Variants in ZSCAN5A observed in about 807,000 individuals in gnomAD.
ZSCAN5A encodes the protein zinc finger and SCAN domain-containing protein 5A.
Under a neutral mutation model 23.7 loss-of-function variants are expected in ZSCAN5A, and 12 were observed. The ratio of observed to expected loss-of-function variants is 0.51; its 90% CI spans 0.32 to 0.82. ZSCAN5A has a LOEUF of 0.82. ZSCAN5A is among the 40% of genes least tolerant of loss of function. The pLI is 0.03. For synonymous variants in ZSCAN5A, 257 were observed against 239.9 expected (o/e 1.07, Z -0.66); for missense variants, 597 against 617.9 (o/e 0.97, Z 0.36).
At chr19:56,325,057 G>A (rs1401884995) in intron 2 of ZSCAN5A, among the ~76,000 whole-genome samples, 2 of 152,218 alleles carry the variant, frequency 1.3e-5, no homozygotes, top group Non-Finnish European at 2.9e-5. Flanking sequence ...ATGGACGAGT[G>A]TCTGACTCTG....
intron 2 of ZSCAN5A, chr19:56,282,427 T>C (rs931431142): frequency 7.4e-6 from 7 of 947,858 alleles, no homozygotes; most frequent in East Asian, 1.2e-4. Context: ...TGAACCTTCA[T>C]TGGCAATATG....
At chr19:56,326,877 G>C (rs986816020) in intron 2 of ZSCAN5A, among the ~76,000 whole-genome samples, 1 of 152,032 alleles carries the variant, frequency 6.6e-6, no homozygotes, top group Non-Finnish European at 1.5e-5. Context: ...AACCAGCCTT[G>C]AGCAGAACAT....
At chr19:56,327,527 C>T (rs1390279168) in intron 2 of ZSCAN5A, among the ~76,000 whole-genome samples, 1 of 150,526 alleles carries the variant, frequency 6.6e-6, no homozygotes. Flanking sequence ...ATAAGTCATA[C>T]ACATATTGAA....
At chr19:56,344,909 CA>C (rs1019131536) in intron 2 of ZSCAN5A, among the ~76,000 whole-genome samples, 353 of 19,032 alleles carry the variant, frequency 0.019, no homozygotes, top group African/African-American at 0.047. Context: ...GACTCCGTCT[CA>C]AAAAAAAAAA....
intron 2 of ZSCAN5A, chr19:56,274,467 GAAAAA>G (rs71707996): frequency 7.0e-6 from 1 of 143,526 alleles, no homozygotes; most frequent in Non-Finnish European, 1.5e-5. Context: ...AAGAAAAAAA[GAAAAA>G]AAAAAAAACT....
chr19:56,288,074 CT>C (rs2147127102), intron 2 of ZSCAN5A, among the ~76,000 whole-genome samples: 1 of 152,270 alleles, frequency 6.6e-6, no homozygotes, highest in Admixed American at 6.5e-5. Context: ...GGTCACGAGG[CT>C]GGTGTGGCAG....
At chr19:56,273,320 G>A (rs1465550869) in intron 2 of ZSCAN5A, among the ~76,000 whole-genome samples, 1 of 152,224 alleles carries the variant, frequency 6.6e-6, no homozygotes, top group African/African-American at 2.4e-5. Flanking sequence ...TGAGACTCCA[G>A]ACTTTTGCGA....
rs2041705906 is a variant in ZSCAN5A at position 56,357,347 on chromosome 19, G to C, written c.-358+5888C>G. Among the ~76,000 whole-genome samples, 2 of 148,618 alleles carry C rather than the reference G, an allele frequency of 1.3e-5. 1 individual carries two copies. Among genetic ancestry groups the C allele is most frequent in the African/African-American group, 5.1e-5 (2 of 39,384 alleles). ...TAAGTGTACAGAGACCCCTGACACA[G>C]ACTTTATCATTACATAATACTTACA... On this transcript the variant is annotated intron_variant, in intron 2 of 6. Transcript: ENST00000587340.
In ZSCAN5A at chr19:56,352,021, C is replaced by G. The variant is rs1359029951; in HGVS notation, c.-358+11214G>C. On this transcript the variant is annotated intron_variant, in intron 2 of 6. Coordinates refer to the ZSCAN5A transcript ENST00000587340. The surrounding 1 kb of genome is among the most constrained non-coding windows in gnomAD (Gnocchi z 4.2). ...GGGACCCGAAACTCAGGAAGGGATG[C>G]GGTGAAGATACTGATGGAGTGCCTT... Among the ~76,000 whole-genome samples, 1 of 152,128 alleles carries G rather than the reference C, an allele frequency of 6.6e-6. No homozygotes were observed. Among genetic ancestry groups the G allele is most frequent in the Non-Finnish European group, 1.5e-5 (1 of 68,036 alleles).
chr19:56,330,459 A>C (rs1317390844), intron 2 of ZSCAN5A, among the ~76,000 whole-genome samples: 1 of 152,172 alleles, frequency 6.6e-6, no homozygotes, highest in Non-Finnish European at 1.5e-5. Flanking sequence ...ACAGTGTATA[A>C]GCATTCCCTT....
chr19:56,233,450 G>A lies in ZSCAN5A; in HGVS notation c.-127-8277C>T, dbSNP rs151230715. 8.0e-3 allele frequency among the ~76,000 whole-genome samples: 1,223 copies of A among 152,232 alleles called. 10 individuals carry two copies. The highest frequency in any genetic ancestry group is 0.026 in the African/African-American group (1,092 of 41,530). ...CTGGAGATGATTGGATATTACAGCTGTGCGCCATAAGGGCAAATGGTTCCA... is the reference window on the plus strand; with the variant it reads ...CTGGAGATGATTGGATATTACAGCTATGCGCCATAAGGGCAAATGGTTCCA... On this transcript the variant is annotated intron_variant, in intron 2 of 5. Transcript: ENST00000683990.
chr19:56,280,069 C>A (rs1286462216), intron 2 of ZSCAN5A, among the ~76,000 whole-genome samples: 2 of 152,122 alleles, frequency 1.3e-5, no homozygotes, highest in African/African-American at 4.8e-5. Context: ...CCGAAAGAAT[C>A]TGATATTAAT....
chr19:56,268,149 G>T (rs2037602160), intron 2 of ZSCAN5A, among the ~76,000 whole-genome samples: 1 of 152,208 alleles, frequency 6.6e-6, no homozygotes, highest in African/African-American at 2.4e-5. Context: ...TGGAGAGCCA[G>T]CCAGAGCCCA....
intron 2 of ZSCAN5A, among the ~76,000 whole-genome samples, chr19:56,334,965 A>G (rs1304180149): frequency 6.6e-6 from 1 of 152,214 alleles, no homozygotes; most frequent in Non-Finnish European, 1.5e-5. Flanking sequence ...TGACAGAAGT[A>G]GACTTCAGAA....
At chr19:56,285,060 T>A (rs1211687477) in intron 2 of ZSCAN5A, 1 of 980,138 alleles carries the variant, frequency 1.0e-6, no homozygotes, top group African/African-American at 1.8e-5. Context: ...AACCTGGTCT[T>A]TCTCTTGTCC....
intron 2 of ZSCAN5A, among the ~76,000 whole-genome samples, chr19:56,280,938 G>A (rs892533373): frequency 6.6e-6 from 1 of 152,154 alleles, no homozygotes; most frequent in African/African-American, 2.4e-5. Context: ...CAATGTGAGA[G>A]TTAGGGGCAC....
intron 2 of ZSCAN5A, among the ~76,000 whole-genome samples, chr19:56,238,928 G>A (rs561438773): frequency 4.1e-4 from 62 of 152,236 alleles, no homozygotes; most frequent in African/African-American, 1.3e-3. Flanking sequence ...GCAGATTCTA[G>A]TTCATTCCAC....
intron 2 of ZSCAN5A, among the ~76,000 whole-genome samples, chr19:56,267,027 G>A (rs2037528090): frequency 7.5e-6 from 1 of 133,650 alleles, no homozygotes; most frequent in Non-Finnish European, 1.6e-5. Flanking sequence ...TTCTGCCTCG[G>A]GGTCTTTGCA....
At chr19:56,240,157 G>A (rs2035314332) in intron 2 of ZSCAN5A, among the ~76,000 whole-genome samples, 2 of 149,164 alleles carry the variant, frequency 1.3e-5, no homozygotes, top group South Asian at 2.1e-4. Context: ...GTGAGACTCT[G>A]TCTCAAAAAA....
Sources: allele counts gnomAD v4.1 joint callset (sites outside exome capture counted in the v4.1 genomes callset), GRCh38; gene constraint gnomAD v4.1.1; non-coding constraint Gnocchi (gnomAD v3.1); transcripts MANE v1.5; gene names NCBI Gene and HGNC (gene_info 2026-07-23, HGNC 2026-07-21).